UBE2E2: variants seen among roughly 807,000 people sequenced by gnomAD.
The protein encoded by UBE2E2 is ubiquitin-conjugating enzyme E2 E2.
UBE2E2 carries 6 observed loss-of-function variants against 24.7 expected under a neutral mutation model. The ratio of observed to expected loss-of-function variants is 0.24; its 90% CI spans 0.13 to 0.48. UBE2E2 has a LOEUF of 0.48. UBE2E2 is among the 20% of genes least tolerant of loss of function. UBE2E2 has a pLI of 0.99. For missense variants in UBE2E2, 169 were observed against 245.0 expected (o/e 0.69, Z 2.07); for synonymous variants, 104 against 83.6 (o/e 1.24, Z -1.33).
intron 3 of UBE2E2, among the ~76,000 whole-genome samples, chr3:23,244,328 A>G (rs1186159323): frequency 1.3e-5 from 2 of 151,402 alleles, no homozygotes; most frequent in Admixed American, 6.5e-5. Context: ...CATTATTTAT[A>G]TATAAAGATA....
At chr3:23,504,912 C>CTTTTTTTTTTTTTTTTTTT (rs150970405) in intron 4 of UBE2E2, among the ~76,000 whole-genome samples, 1,784 of 94,688 alleles carry the variant, frequency 0.019, 329 homozygotes, top group East Asian at 0.042. Flanking sequence ...GACATTCTTT[C>CTTTTTTTTTTTTTTTTTTT]TTTTTTTTTT....
rs1696538608 is a variant in UBE2E2 at position 23,583,636 on chromosome 3, T to G, written c.509-6098T>G. On this transcript the variant is annotated intron_variant, in intron 5 of 5. Transcript: ENST00000396703. The surrounding 1 kb of genome is among the most constrained non-coding windows in gnomAD (Gnocchi z 4.1). ...TTTGTAATTCTCATTGTAAAGATCTTTCACCTCCCTGGTTAGCTGTATTTT... is the reference window on the plus strand; with the variant it reads ...TTTGTAATTCTCATTGTAAAGATCTGTCACCTCCCTGGTTAGCTGTATTTT... Among the ~76,000 whole-genome samples the G allele has an allele frequency of 6.6e-6, 1 of 152,228 alleles. No individual in the cohort carries two copies. The highest frequency in any genetic ancestry group is 2.4e-5 in the African/African-American group (1 of 41,466).
chr3:23,555,419 T>C (rs1237979522), intron 5 of UBE2E2, among the ~76,000 whole-genome samples: 1 of 152,182 alleles, frequency 6.6e-6, no homozygotes, highest in Admixed American at 6.5e-5. Flanking sequence ...TCGTATACTC[T>C]TAGTGGAAAC....
intron 3 of UBE2E2, among the ~76,000 whole-genome samples, chr3:23,475,514 A>G (rs1425114917): frequency 6.6e-6 from 1 of 152,010 alleles, no homozygotes; most frequent in African/African-American, 2.4e-5. Flanking sequence ...TCTCAGCTAT[A>G]TCCTCACTGC....
rs1357122981 is a variant in UBE2E2, at chr3:23,566,382, A to T, written c.509-23352A>T. Among the ~76,000 whole-genome samples the T allele has an allele frequency of 3.9e-5, 6 of 152,204 alleles. No homozygotes were observed. The East Asian group carries it at 1.2e-3, about 29-fold the overall frequency. On this transcript the variant is annotated intron_variant, in intron 5 of 5. Coordinates refer to ENST00000396703, the MANE Select transcript of UBE2E2 (RefSeq NM_152653.4). ...TTTGAAGAGCGAAGTTGTGTAACCAAGCTTGTATAAGAGACTGAAACTTGG... is the reference window on the plus strand; with the variant it reads ...TTTGAAGAGCGAAGTTGTGTAACCATGCTTGTATAAGAGACTGAAACTTGG...
intron 3 of UBE2E2, among the ~76,000 whole-genome samples, chr3:23,487,264 G>T (rs1699393921): frequency 6.6e-6 from 1 of 152,276 alleles, no homozygotes; most frequent in African/African-American, 2.4e-5. Flanking sequence ...AGAGGCCAGG[G>T]AGTAGGAGCA....
chr3:23,233,438 G>T (rs758350484), intron 3 of UBE2E2, among the ~76,000 whole-genome samples: 1 of 152,176 alleles, frequency 6.6e-6, no homozygotes, highest in Admixed American at 6.5e-5. Flanking sequence ...TTAAGAGGGG[G>T]TGAACAAAGG....
chr3:23,350,382 C>T (rs1051473787), intron 3 of UBE2E2, among the ~76,000 whole-genome samples: 21 of 152,266 alleles, frequency 1.4e-4, no homozygotes, highest in Admixed American at 3.3e-4. Context: ...CGAAGCTGGA[C>T]GGAGAATGAC....
intron 3 of UBE2E2, among the ~76,000 whole-genome samples, chr3:23,443,432 G>C (rs932551365): frequency 3.3e-5 from 5 of 152,164 alleles, no homozygotes; most frequent in African/African-American, 4.8e-5. Context: ...ACTCAGTCCT[G>C]TAGGTTCGTT....
At chr3:23,442,185 A>G (rs977510938) in intron 3 of UBE2E2, among the ~76,000 whole-genome samples, 1 of 152,174 alleles carries the variant, frequency 6.6e-6, no homozygotes, top group African/African-American at 2.4e-5. Context: ...ACTGAAACAG[A>G]CAGGAAATCA....
chr3:23,426,868 A>G (rs1697938829), intron 3 of UBE2E2, among the ~76,000 whole-genome samples: 1 of 152,264 alleles, frequency 6.6e-6, no homozygotes, highest in Non-Finnish European at 1.5e-5. Flanking sequence ...TTTTTAATGG[A>G]CAGATCAATC....
chr3:23,297,486 A>T (rs1038214087), intron 3 of UBE2E2, among the ~76,000 whole-genome samples: 22 of 152,134 alleles, frequency 1.4e-4, no homozygotes, highest in African/African-American at 5.3e-4. Context: ...TAATTTTTGT[A>T]TAAGGTGTAA....
chr3:23,409,889 T>A (rs565195333), intron 3 of UBE2E2, among the ~76,000 whole-genome samples: 1 of 152,264 alleles, frequency 6.6e-6, no homozygotes, highest in East Asian at 1.9e-4. Context: ...ACAGCCTTTT[T>A]CCCTGTGCTG....
At chr3:23,374,453 A>G (rs571794998) in intron 3 of UBE2E2, among the ~76,000 whole-genome samples, 2 of 152,224 alleles carry the variant, frequency 1.3e-5, no homozygotes, top group Non-Finnish European at 2.9e-5. Context: ...CTAACCAACT[A>G]TTGCTAATAT....
At chr3:23,344,422 T>C (rs189903375) in intron 3 of UBE2E2, among the ~76,000 whole-genome samples, 1 of 152,266 alleles carries the variant, frequency 6.6e-6, no homozygotes, top group East Asian at 1.9e-4. Flanking sequence ...TTAATGTAAT[T>C]TGGGGCAGAT....
At chr3:23,449,933 A>T in intron 3 of UBE2E2, 1 of 985,368 alleles carries the variant, frequency 1.0e-6, no homozygotes, top group Non-Finnish European at 1.2e-6. Flanking sequence ...CTAGTGAGGA[A>T]ATGTACCCCT....
At chr3:23,327,485 C>T (rs900877324) in intron 3 of UBE2E2, among the ~76,000 whole-genome samples, 2 of 152,200 alleles carry the variant, frequency 1.3e-5, no homozygotes. Context: ...CTCTCACCAT[C>T]ATCTACTCTA....
intron 4 of UBE2E2, among the ~76,000 whole-genome samples, chr3:23,512,880 G>A (rs1694638595): frequency 1.3e-5 from 2 of 152,270 alleles, no homozygotes; most frequent in African/African-American, 4.8e-5. Context: ...AGGAGGCAGA[G>A]GTTGCAGTGA....
intron 5 of UBE2E2, among the ~76,000 whole-genome samples, chr3:23,563,262 A>G (rs1044903280): frequency 3.3e-5 from 5 of 152,286 alleles, no homozygotes; most frequent in Non-Finnish European, 7.4e-5. Context: ...AGATTCTAGT[A>G]TGTTGTGACT....
Sources: gnomAD v4.1 joint callset for allele counts (sites outside exome capture counted in the v4.1 genomes callset) on GRCh38, gnomAD v4.1.1 for gene constraint, Gnocchi (gnomAD v3.1) non-coding constraint, MANE v1.5 for transcripts, NCBI Gene and HGNC (gene_info 2026-07-23, HGNC 2026-07-21) for gene names.